NOL10: variants seen among roughly 807,000 people sequenced by gnomAD.
The protein encoded by NOL10 is H_NH0074G24.1.
A neutral mutation model predicts 103.5 loss-of-function variants in NOL10; 58 were observed. The ratio of observed to expected loss-of-function variants is 0.56; its 90% CI spans 0.45 to 0.70. NOL10 has a LOEUF of 0.70. Among genes scored for constraint, NOL10 ranks in the 30% least tolerant of loss-of-function variants. The pLI is 0.00. For missense variants in NOL10, 763 were observed against 807.3 expected, an observed-to-expected ratio of 0.95 and a Z score of 0.67; for synonymous variants, 287 against 282.5, an observed-to-expected ratio of 1.02 and a Z score of -0.16.
At chr2:10,586,133 G>C (rs1227465592) in intron 19 of NOL10, among the ~76,000 whole-genome samples, 1 of 152,200 alleles carries the variant, frequency 6.6e-6, no homozygotes, top group African/African-American at 2.4e-5. Flanking sequence ...GGGTAAATGT[G>C]GGGTGACTGC....
chr2:10,635,603 G>C (rs1558307993), intron 13 of NOL10, among the ~76,000 whole-genome samples: 1 of 152,124 alleles, frequency 6.6e-6, no homozygotes, highest in Non-Finnish European at 1.5e-5. Context: ...AAAATGCGTA[G>C]GAAGCCACTG....
intron 9 of NOL10, among the ~76,000 whole-genome samples, chr2:10,660,535 A>G (rs1680128184): frequency 1.3e-5 from 2 of 151,910 alleles, no homozygotes; most frequent in African/African-American, 4.8e-5. Context: ...CCAGGCTGGT[A>G]TTGAACTCCT....
intron 13 of NOL10, among the ~76,000 whole-genome samples, chr2:10,607,798 A>G (rs1676338706): frequency 7.2e-6 from 1 of 138,322 alleles, no homozygotes; most frequent in Non-Finnish European, 1.5e-5. Context: ...GGGTTTTGCC[A>G]TGTTGCCCAG....
intron 3 of NOL10, among the ~76,000 whole-genome samples, chr2:10,677,466 G>GTT (rs199868603): frequency 1.4e-5 from 2 of 138,816 alleles, no homozygotes; most frequent in Admixed American, 7.2e-5. Context: ...TTTCTTTGGT[G>GTT]TTTTTTTTTT....
At chr2:10,654,118 C>A (rs1437074674) in intron 12 of NOL10, among the ~76,000 whole-genome samples, 1 of 152,172 alleles carries the variant, frequency 6.6e-6, no homozygotes, top group African/African-American at 2.4e-5. Flanking sequence ...TTCTCCAAAT[C>A]TCTACCCTCA....
At chr2:10,598,007 T>C (rs1249012423) in intron 17 of NOL10, among the ~76,000 whole-genome samples, 1 of 152,220 alleles carries the variant, frequency 6.6e-6, no homozygotes, top group Admixed American at 6.5e-5. Flanking sequence ...TAGATGTGAC[T>C]GGAGATAACA....
intron 17 of NOL10, among the ~76,000 whole-genome samples, chr2:10,592,414 T>C (rs1443981385): frequency 6.6e-6 from 1 of 152,158 alleles, no homozygotes; most frequent in Non-Finnish European, 1.5e-5. Flanking sequence ...TGCCTATGCC[T>C]GTGGCACAGG....
chr2:10,630,866 G>C (rs781016285), intron 13 of NOL10, among the ~76,000 whole-genome samples: 28 of 152,172 alleles, frequency 1.8e-4, no homozygotes, highest in Admixed American at 4.6e-4. Flanking sequence ...GAATCCTTTA[G>C]TGTGGACAAG....
intron 9 of NOL10, among the ~76,000 whole-genome samples, chr2:10,662,585 G>A (rs1263603715): frequency 6.6e-6 from 1 of 151,390 alleles, no homozygotes; most frequent in African/African-American, 2.4e-5. Flanking sequence ...TAGGCAAACA[G>A]GAACAAGAAA....
At chr2:10,656,055 G>A (rs1023588) in intron 11 of NOL10, among the ~76,000 whole-genome samples, 119,545 of 151,576 alleles carry the variant, frequency 0.79, 48,054 homozygotes, top group Middle Eastern at 0.93. Context: ...CCACATGATG[G>A]AAACTATGCA....
At chr2:10,637,563 G>A (rs997297626) in intron 13 of NOL10, among the ~76,000 whole-genome samples, 3 of 152,238 alleles carry the variant, frequency 2.0e-5, no homozygotes, top group Non-Finnish European at 2.9e-5. Flanking sequence ...TCTGCGGGGA[G>A]TGTGCTACCT....
intron 20 of NOL10, among the ~76,000 whole-genome samples, chr2:10,572,528 T>C (rs1368558821): frequency 6.6e-6 from 1 of 152,150 alleles, no homozygotes; most frequent in East Asian, 1.9e-4. Flanking sequence ...TGGGATGTTT[T>C]AAAAGAGCCT....
intron 12 of NOL10, among the ~76,000 whole-genome samples, chr2:10,646,984 T>A (rs1376489190): frequency 6.6e-6 from 1 of 152,150 alleles, no homozygotes; most frequent in East Asian, 1.9e-4. Flanking sequence ...AACACAGAAT[T>A]AATATGGTTT....
rs556899805 is a variant in NOL10 at position 10,627,391 on chromosome 2, C to T, written c.1026+16929G>A. On this transcript the variant is annotated intron_variant, in intron 13 of 20. Coordinates refer to ENST00000381685, the MANE Select transcript of NOL10 (RefSeq NM_024894.4). ...TTTATCCTATTATGAATCAAGACAT[C>T]TTAAAAATACACATCTTCTCACACC... is the stretch of plus-strand genomic sequence containing the variant. Among the ~76,000 whole-genome samples, 17 of 152,180 alleles carry T rather than the reference C, an allele frequency of 1.1e-4. No individual in the cohort carries two copies. The South Asian group carries it at 3.5e-3, about 32-fold the overall frequency.
At position 10,671,574 on chromosome 2, in the gene NOL10, G is replaced by C. The variant is rs1206902750; in HGVS notation, c.444C>G (p.Asp148Glu). ...AATACCTTGCACCAACAAAGTACAA[G>C]TCACAGGATGGATAGTGGTAAGAGA... ...RDFSYHYPSC[D>E]LYFVGASSEV... Residue 148 changes from aspartate (D) to glutamate (E), a missense_variant, in exon 6 of 21, where the codon GAC (aspartate) becomes GAG (glutamate). Physicochemically the swap from Asp to Glu is conservative, Grantham distance 45 (BLOSUM62 2). Coordinates refer to ENST00000381685, the MANE Select transcript of NOL10 (RefSeq NM_024894.4). 6.2e-7 allele frequency: 1 copy of C among 1,606,704 alleles called. No individual in the cohort carries two copies. Among genetic ancestry groups the C allele is most frequent in the Non-Finnish European group, 8.5e-7 (1 of 1,176,656 alleles).
intron 13 of NOL10, among the ~76,000 whole-genome samples, chr2:10,642,497 G>A (rs1419771372): frequency 6.6e-6 from 1 of 151,986 alleles, no homozygotes; most frequent in Non-Finnish European, 1.5e-5. Flanking sequence ...TACAACTCTT[G>A]TCAGGACTCC....
intron 13 of NOL10, among the ~76,000 whole-genome samples, chr2:10,611,939 C>A (rs1676593027): frequency 6.6e-6 from 1 of 151,242 alleles, no homozygotes; most frequent in Non-Finnish European, 1.5e-5. Flanking sequence ...CAAAACAAAA[C>A]AAAAACAAAA....
chr2:10,651,156 G>A (rs1679427067), intron 12 of NOL10, among the ~76,000 whole-genome samples: 1 of 152,166 alleles, frequency 6.6e-6, no homozygotes, highest in South Asian at 2.1e-4. Flanking sequence ...AAGCTGTTTA[G>A]GCACACAGCC....
At chr2:10,659,285 C>A (rs369401520) in intron 9 of NOL10, 35 bp from the exon 10 acceptor site, 3 of 1,236,096 alleles carry the variant, frequency 2.4e-6, no homozygotes, top group Non-Finnish European at 3.4e-6. Context: ...CATGAATATA[C>A]GGCCAAACCT....
Sources: gnomAD v4.1 joint callset for allele counts (sites outside exome capture counted in the v4.1 genomes callset) on GRCh38, gnomAD v4.1.1 for gene constraint, MANE v1.5 for transcripts, NCBI Gene and HGNC (gene_info 2026-07-23, HGNC 2026-07-21) for gene names.